PCDHGA2: variants seen among roughly 807,000 people sequenced by gnomAD.
PCDHGA2 encodes protocadherin gamma subfamily A, 2.
In PCDHGA2, 40 loss-of-function variants were observed where a neutral mutation model predicts 59.2. The observed-to-expected ratio is 0.68, with a 90% CI of 0.52 to 0.88. PCDHGA2 has a LOEUF of 0.88. PCDHGA2 is among the 40% of genes least tolerant of loss of function. The pLI, the probability that PCDHGA2 is intolerant of heterozygous loss-of-function variation, is 0.00. For synonymous variants in PCDHGA2, 560 were observed against 526.0 expected (o/e 1.06, Z -0.89); for missense variants, 1,226 against 1,204.0 (o/e 1.02, Z -0.27).
At position 141,393,784 on chromosome 5, in the gene PCDHGA2, T is replaced by A. The variant is rs1554094164; in HGVS notation, c.2424+52389T>A. 3 of 1,613,864 alleles carry A rather than the reference T, an allele frequency of 1.9e-6. No homozygotes were observed. The South Asian group carries it at 3.3e-5, about 18-fold the overall frequency. ...GAAATGGAAATACAAGCCGAAGATG[T>A]GGGGGCACTTCTGGGGAGGACCAAA... On this transcript the variant is annotated intron_variant, in intron 1 of 3. Coordinates refer to ENST00000394576, the MANE Select transcript of PCDHGA2 (RefSeq NM_018915.4).
chr5:141,498,971 G>GGGAAGGAAGGAAGGAAGGAA (rs201769957), intron 2 of PCDHGA2, among the ~76,000 whole-genome samples: 36 of 111,052 alleles, frequency 3.2e-4, no homozygotes, highest in African/African-American at 9.0e-4. Context: ...GAGGGAGGGA[G>GGGAAGGAAGGAAGGAAGGAA]GGAAGGAAGG....
intron 2 of PCDHGA2, among the ~76,000 whole-genome samples, chr5:141,500,281 T>A (rs1254933339): frequency 2.0e-5 from 3 of 151,934 alleles, no homozygotes; most frequent in Non-Finnish European, 4.4e-5. Context: ...CAATCTCGGC[T>A]CACTGCAAGC....
At chr5:141,500,252 A>G (rs2099798400) in intron 2 of PCDHGA2, among the ~76,000 whole-genome samples, 1 of 151,094 alleles carries the variant, frequency 6.6e-6, no homozygotes, top group East Asian at 1.9e-4. Flanking sequence ...TCTGTCACCC[A>G]GGCTGGACTG....
At chr5:141,404,791 G>A (rs747844350) in intron 1 of PCDHGA2, 2 of 1,613,932 alleles carry the variant, frequency 1.2e-6, no homozygotes, top group Non-Finnish European at 8.5e-7. Flanking sequence ...AGGCCAGTGA[G>A]CCAGGGCTCT....
intron 3 of PCDHGA2, among the ~76,000 whole-genome samples, chr5:141,509,808 G>A (rs905531504): frequency 3.9e-5 from 6 of 152,028 alleles, no homozygotes; most frequent in Non-Finnish European, 7.4e-5. Context: ...TCATAGAGCC[G>A]AGCTCTTCTC....
chr5:141,341,906 C>A (rs1010337766), intron 1 of PCDHGA2: 4 of 159,330 alleles, frequency 2.5e-5, no homozygotes, highest in Non-Finnish European at 5.5e-5. Flanking sequence ...AAATTGTTTT[C>A]CTTAACTTGC....
At chr5:141,351,878 G>A (rs752047664) in intron 1 of PCDHGA2, 2 of 1,613,298 alleles carry the variant, frequency 1.2e-6, no homozygotes, top group Non-Finnish European at 1.7e-6. Context: ...CGCGCTCAGC[G>A]CCAACGTGAG....
chr5:141,341,304 C>G lies in PCDHGA2; in HGVS notation c.2333C>G (p.Thr778Arg). ...LIFPQPNYAD[T>R]LISQESCEKK... ...TTCCCCCAGCCCAACTATGCGGACA[C>G]GCTCATCAGCCAGGAGAGCTGTGAG... The change falls in exon 1 of 4, where the codon ACG (threonine) becomes AGG (arginine). Residue 778 changes from threonine to arginine, a missense_variant. Coordinates refer to ENST00000394576, the MANE Select transcript of PCDHGA2 (RefSeq NM_018915.4). 1 of 1,614,272 alleles carries G rather than the reference C, an allele frequency of 6.2e-7. No homozygotes were observed. Among genetic ancestry groups the G allele is most frequent in the Non-Finnish European group, 8.5e-7 (1 of 1,180,052 alleles).
intron 1 of PCDHGA2, chr5:141,400,143 T>G: frequency 6.2e-7 from 1 of 1,614,104 alleles, no homozygotes; most frequent in Non-Finnish European, 8.5e-7. Context: ...CGGATATCAC[T>G]GACCGCCCTG....
intron 1 of PCDHGA2, chr5:141,377,896 G>A (rs1774450136): frequency 6.6e-6 from 1 of 152,142 alleles, no homozygotes; most frequent in African/African-American, 2.4e-5. Context: ...ATCCCCCTCT[G>A]TTGCCCAGTC....
chr5:141,419,870 G>C, intron 1 of PCDHGA2: 1 of 1,614,054 alleles, frequency 6.2e-7, no homozygotes, highest in Non-Finnish European at 8.5e-7. Context: ...CTTGCAAGAG[G>C]TACTGCCGGA....
intron 1 of PCDHGA2, chr5:141,356,239 G>T: frequency 6.3e-7 from 1 of 1,585,126 alleles, no homozygotes; most frequent in Non-Finnish European, 8.6e-7. Flanking sequence ...CGCACCAGAA[G>T]TCACAGTTAC....
Position 141,339,700 on chromosome 5 carries a change from A to G in PCDHGA2, c.729A>G (p.Thr243=), listed in dbSNP as rs1453183516. The change falls in exon 1 of 4, where the codon ACA becomes ACG. Residue 243 remains threonine, a synonymous_variant. Transcript: ENST00000394576. ...CGAACGACAATGCGCCTGTTTTTAC[A>G]CAGCCCGAGTACCGCATAAGCATTC... ...LDANDNAPVF[T]QPEYRISIPE... is the part of the protein sequence containing the mutation. 12 of 1,614,142 alleles carry G rather than the reference A, an allele frequency of 7.4e-6. No individual in the cohort carries two copies. Among genetic ancestry groups the G allele is most frequent in the Non-Finnish European group, 1.0e-5 (12 of 1,180,012 alleles).
chr5:141,504,755 T>A (rs953075905), intron 2 of PCDHGA2, among the ~76,000 whole-genome samples: 13 of 151,824 alleles, frequency 8.6e-5, no homozygotes, highest in Non-Finnish European at 1.5e-5. Flanking sequence ...ATTTTAGAAA[T>A]TTCTTCTCCC....
intron 1 of PCDHGA2, chr5:141,411,845 G>C (rs984420523): frequency 6.6e-6 from 1 of 151,920 alleles, no homozygotes; most frequent in Non-Finnish European, 1.5e-5. Context: ...AGGTGACAGA[G>C]TGAGACCCTG....
chr5:141,466,358 A>T (rs1210013683), intron 1 of PCDHGA2, among the ~76,000 whole-genome samples: 3 of 152,066 alleles, frequency 2.0e-5, no homozygotes, highest in Non-Finnish European at 4.4e-5. Context: ...GCTAATCTAG[A>T]TGTAATGGTT....
chr5:141,415,203 G>C (rs2095843560), intron 1 of PCDHGA2: 24 of 1,614,032 alleles, frequency 1.5e-5, no homozygotes, highest in Non-Finnish European at 2.0e-5. Flanking sequence ...CCCAAGTCCT[G>C]GCGGACCTCG....
chr5:141,357,256 G>C, intron 1 of PCDHGA2: 1 of 1,613,738 alleles, frequency 6.2e-7, no homozygotes, highest in Admixed American at 1.7e-5. Flanking sequence ...AGACCCAGAC[G>C]ACTCGGGCCT....
intron 1 of PCDHGA2, chr5:141,384,753 G>C (rs114533608): frequency 0.027 from 43,359 of 1,614,006 alleles, 841 homozygotes; most frequent in African/African-American, 0.094. Context: ...GACTCTTTGC[G>C]GTTGGGCTGT....
Sources: allele counts gnomAD v4.1 joint callset (sites outside exome capture counted in the v4.1 genomes callset), GRCh38; gene constraint gnomAD v4.1.1; transcripts MANE v1.5; gene names NCBI Gene and HGNC (gene_info 2026-07-23, HGNC 2026-07-21).